The following SFTPD variants were observed in gnomAD, a reference collection of about 807,000 sequenced individuals.
The protein encoded by SFTPD is pulmonary surfactant-associated protein D.
Under a neutral mutation model 34.6 loss-of-function variants are expected in SFTPD, and 18 were observed. The ratio of observed to expected loss-of-function variants is 0.52; its 90% confidence interval spans 0.36 to 0.77. The LOEUF (loss-of-function observed/expected upper bound fraction) is 0.77, where lower values mean the gene tolerates loss of function less well. Ranked by LOEUF, SFTPD falls within the 30% of genes least tolerant of loss-of-function variation. SFTPD has a pLI of 0.00. For synonymous variants in SFTPD, 155 were observed against 180.9 expected (o/e 0.86, Z 1.15); for missense variants, 433 against 468.9 (o/e 0.92, Z 0.71).
At chr10:79,942,586 A>G in intron 3 of SFTPD, 82 bp from the exon 4 acceptor site, 1 of 1,005,026 alleles carries the variant, frequency 9.9e-7, no homozygotes, top group Non-Finnish European at 1.6e-6. Flanking sequence ...GTAATAACAG[A>G]GGTAAGGGAG....
Position 79,942,023 on chromosome 10 carries a change from G to A in SFTPD, c.481C>T (p.Leu161Phe), listed in dbSNP as rs934463262. The A allele has an allele frequency of 6.2e-7, 1 of 1,614,050 alleles. No homozygotes were observed. The highest frequency in any genetic ancestry group is 1.1e-5 in the South Asian group (1 of 91,084). ...CCTCGCTCTCCCTTAGGGCCTGCGAGGCCTCTTGCCCCTGCCGAGCCCTGC... is the reference window on the plus strand; with the variant it reads ...CCTCGCTCTCCCTTAGGGCCTGCGAAGCCTCTTGCCCCTGCCGAGCCCTGC... Reference protein sequence around the residue: ...GMQGSAGARGLAGPKGERGVP... With the variant: ...GMQGSAGARGFAGPKGERGVP... The change falls in exon 5 of 8, where the codon CTC (leucine) becomes TTC (phenylalanine). Residue 161 changes from leucine (L) to phenylalanine (F), a missense_variant. Leu to Phe is a conservative substitution (Grantham distance 22, BLOSUM62 0). Transcript: ENST00000372292.
intron 1 of SFTPD, 27 bp from the exon 2 acceptor site, chr10:79,946,689 G>A: frequency 6.3e-7 from 1 of 1,599,010 alleles, no homozygotes; most frequent in Non-Finnish European, 8.6e-7. Context: ...AAAGAGAAAA[G>A]ACATGCTTAT....
chr10:79,956,736 C>A (rs1414811865), intron 1 of SFTPD, among the ~76,000 whole-genome samples: 20 of 152,194 alleles, frequency 1.3e-4, no homozygotes, highest in Non-Finnish European at 1.0e-4. Flanking sequence ...AGGGCACAGA[C>A]AAACAAAAAG....
intron 5 of SFTPD, among the ~76,000 whole-genome samples, chr10:79,941,719 C>A (rs916611002): frequency 3.3e-5 from 5 of 152,212 alleles, no homozygotes; most frequent in African/African-American, 9.7e-5. Context: ...TGCCCCGCCA[C>A]CCAACAACTA....
chr10:79,947,447 T>G (rs748244208), intron 1 of SFTPD, among the ~76,000 whole-genome samples: 23 of 152,132 alleles, frequency 1.5e-4, no homozygotes, highest in Non-Finnish European at 3.2e-4. Context: ...CCCAGCACTT[T>G]GGGAGGCCGA....
At chr10:79,967,868 C>T (rs151015261) in intron 1 of SFTPD, among the ~76,000 whole-genome samples, 1 of 151,488 alleles carries the variant, frequency 6.6e-6, no homozygotes, top group Non-Finnish European at 1.5e-5. Context: ...CACCTTGTGA[C>T]CCCCGCCCCT....
chr10:79,947,761 G>A (rs896682560), intron 1 of SFTPD, among the ~76,000 whole-genome samples: 2 of 152,200 alleles, frequency 1.3e-5, no homozygotes, highest in African/African-American at 4.8e-5. Context: ...AGCTAGTGTT[G>A]TGGGTAAGCA....
rs528041282 is a variant in SFTPD, at chr10:79,971,320, C to G, written c.36+11255G>C. The stretch of plus-strand genomic sequence containing the variant: ...ATCAGAAATACTGGCCTATGGTTTT[C>G]TTTTTTTGTTGTGCCCTTTTCATGT... On this transcript the variant is annotated intron_variant, in intron 1 of 5. Transcript: ENST00000444384. 36 of 152,086 alleles carry G rather than the reference C, an allele frequency of 2.4e-4. 1 individual carries two copies. Among genetic ancestry groups the G allele is most frequent in the African/African-American group, 8.7e-4 (36 of 41,530 alleles). 9.4% of individuals were successfully genotyped at this position (152,086 alleles called of 1,614,324 possible).
intron 4 of SFTPD, 98 bp downstream of exon 4, chr10:79,942,290 G>T: frequency 3.5e-6 from 3 of 855,548 alleles, no homozygotes; most frequent in South Asian, 1.5e-5. Context: ...TCAAGGGTCT[G>T]GGCTCTCCCT....
chr10:79,946,752 C>T (rs1340986877), intron 1 of SFTPD, 90 bp from the exon 2 acceptor site: 11 of 1,162,232 alleles, frequency 9.5e-6, no homozygotes, highest in Middle Eastern at 2.5e-4. Context: ...TGACAAGAAG[C>T]CCCCATTCCC....
intron 1 of SFTPD, among the ~76,000 whole-genome samples, chr10:79,976,619 A>T (rs779878020): frequency 6.6e-6 from 1 of 152,192 alleles, no homozygotes. Flanking sequence ...TGAGGATTCA[A>T]CAAGAGCATA....
chr10:79,957,210 G>A (rs976852981), intron 1 of SFTPD, among the ~76,000 whole-genome samples: 1 of 152,208 alleles, frequency 6.6e-6, no homozygotes, highest in African/African-American at 2.4e-5. Flanking sequence ...AAAAAACAGA[G>A]CAGAAAAACT....
intron 1 of SFTPD, among the ~76,000 whole-genome samples, chr10:79,965,382 C>CA (rs1400827062): frequency 1.3e-5 from 2 of 152,002 alleles, no homozygotes; most frequent in Admixed American, 6.6e-5. Context: ...CCCCTTACCA[C>CA]AAAATCTTCC....
intron 2 of SFTPD, among the ~76,000 whole-genome samples, chr10:79,944,550 T>C (rs1000270857): frequency 3.3e-5 from 5 of 151,976 alleles, no homozygotes; most frequent in African/African-American, 1.2e-4. Flanking sequence ...AAAGAAGCTA[T>C]GTGGTTGGAG....
At chr10:79,957,628 C>G (rs1842747703) in intron 1 of SFTPD, among the ~76,000 whole-genome samples, 1 of 152,140 alleles carries the variant, frequency 6.6e-6, no homozygotes, top group South Asian at 2.1e-4. Context: ...TGAACAAAGC[C>G]TCCAAGAAAT....
chr10:79,978,815 T>A (rs561480864), intron 1 of SFTPD, among the ~76,000 whole-genome samples: 49 of 152,208 alleles, frequency 3.2e-4, no homozygotes, highest in Non-Finnish European at 5.6e-4. Context: ...TCTTGTTACT[T>A]CTATTTATCA....
At chr10:79,980,819 G>A (rs888054924) in intron 1 of SFTPD, among the ~76,000 whole-genome samples, 7 of 152,192 alleles carry the variant, frequency 4.6e-5, no homozygotes, top group Admixed American at 1.3e-4. Context: ...CGATTACGAC[G>A]CTCATTTCCC....
In SFTPD at chr10:79,942,802, C is replaced by T; in HGVS notation, c.277G>A (p.Val93Ile). The stretch of plus-strand genomic sequence containing the variant: ...TCTCCCTTTGGTCCAGGTTCTCCAA[C>T]AGAGCCATTGTCCCCTTTGGGCCCA... ...PVGPKGDNGS[V>I]GEPGPKGDTG... The change falls in exon 3 of 8, where the codon GTT becomes ATT. Residue 93 changes from valine to isoleucine, a missense_variant. Physicochemically the swap from Val to Ile is conservative, Grantham distance 29 (BLOSUM62 3). Coordinates refer to ENST00000372292, the MANE Select transcript of SFTPD (RefSeq NM_003019.5). 2 of 1,613,868 alleles carry T rather than the reference C, an allele frequency of 1.2e-6. No individual in the cohort carries two copies. The highest frequency in any genetic ancestry group is 4.5e-5 in the East Asian group (2 of 44,866).
chr10:79,940,099 C>T (rs1842596045), intron 7 of SFTPD, among the ~76,000 whole-genome samples: 1 of 152,184 alleles, frequency 6.6e-6, no homozygotes, highest in Non-Finnish European at 1.5e-5. Context: ...CAAGGTCAGG[C>T]CCCCACCTGC....
Sources: gnomAD v4.1 joint callset for allele counts (sites outside exome capture counted in the v4.1 genomes callset) on GRCh38, gnomAD v4.1.1 for gene constraint, MANE v1.5 for transcripts, NCBI Gene and HGNC (gene_info 2026-07-23, HGNC 2026-07-21) for gene names.